The following SRI variants were observed in gnomAD, a reference collection of about 807,000 sequenced individuals.
The protein encoded by SRI is sorcin.
Under a neutral mutation model 33.3 loss-of-function variants are expected in SRI, and 30 were observed. That is an observed-to-expected ratio of 0.90 (90% CI 0.67 to 1.22). The LOEUF is 1.22. SRI is among the 50% of genes most tolerant of loss of function. SRI has a pLI of 0.00. For synonymous variants in SRI, 75 were observed against 89.9 expected, an observed-to-expected ratio of 0.83 and a Z score of 0.94; for missense variants, 243 against 250.8, an observed-to-expected ratio of 0.97 and a Z score of 0.21.
rs1851740964 is a variant in SRI at position 88,217,046 on chromosome 7, G to T, written c.205+76C>A. ...ATCCGACAAGCTCAGTTTTCTTGAA[G>T]GCTGTAATCACAAGTAACAGCTAAG... On this transcript the variant is annotated intron_variant, in intron 3 of 7. Transcript: ENST00000265729. The T allele has an allele frequency of 1.3e-5, 17 of 1,316,522 alleles. 1 individual carries two copies. The South Asian group carries it at 2.0e-4, about 15-fold the overall frequency. The allele number at this position is 1,316,522 out of a possible 1,614,324, so 81.6% of individuals were successfully genotyped here.
chr7:88,218,973 C>G (rs2115803246), intron 1 of SRI, 31 bp from the exon 2 acceptor site: 1 of 1,598,846 alleles, frequency 6.3e-7, no homozygotes, highest in East Asian at 2.2e-5. Flanking sequence ...ACACGTCATT[C>G]TGCCGAATCA....
rs1378720434 is a variant in SRI, at chr7:88,217,120, AC to A, written c.205+1del. ...AGACAAACTTTGGGACTGTCAACTT[AC>A]GTTTGTATCCTCCAGCAATGCCAGA... is the stretch of plus-strand genomic sequence containing the variant. On this transcript the variant is annotated splice_donor_variant, in intron 3 of 7. Coordinates refer to ENST00000265729, the MANE Select transcript of SRI (RefSeq NM_003130.4). LOFTEE classifies it high-confidence loss of function. 6.2e-6 allele frequency: 10 copies of A among 1,613,592 alleles called. No homozygotes were observed. Among genetic ancestry groups the A allele is most frequent in the African/African-American group, 2.7e-5 (2 of 75,024 alleles).
intron 2 of SRI, 61 bp downstream of exon 2, chr7:88,218,798 A>G: frequency 1.3e-6 from 2 of 1,539,826 alleles, no homozygotes; most frequent in Non-Finnish European, 1.8e-6. Flanking sequence ...GTGTCACTAT[A>G]TCAAAAGCTA....
intron 3 of SRI, among the ~76,000 whole-genome samples, chr7:88,211,640 A>G (rs1851582030): frequency 6.6e-6 from 1 of 152,062 alleles, no homozygotes; most frequent in Admixed American, 6.5e-5. Flanking sequence ...TTTGTGTCTG[A>G]TTACTTGTTT....
chr7:88,210,027 C>G lies in SRI; in HGVS notation c.353G>C (p.Gly118Ala). 6.2e-7 allele frequency: 1 copy of G among 1,614,178 alleles called. No individual in the cohort carries two copies. The highest frequency in any genetic ancestry group is 8.5e-7 in the Non-Finnish European group (1 of 1,180,044). ...CTGCAATTCTTGTGGGTCTACTGTT[C>G]CACTCCTGTCAGTGTCAAAACTGAT... ...HFISFDTDRS[G>A]TVDPQELQKA... The change falls in exon 5 of 8, where the codon GGA (glycine) becomes GCA (alanine). Residue 118 changes from glycine (G) to alanine (A), a missense_variant. Gly to Ala is a moderately conservative substitution (Grantham distance 60). Coordinates refer to ENST00000265729, the MANE Select transcript of SRI (RefSeq NM_003130.4).
chr7:88,219,343 A>G (rs899895911), intron 1 of SRI: 1 of 288,126 alleles, frequency 3.5e-6, no homozygotes, highest in Non-Finnish European at 6.8e-6. Context: ...AGTTGGTAAC[A>G]TTCTGAGACG....
intron 7 of SRI, 24 bp from the exon 8 acceptor site, chr7:88,206,528 TGACA>T (rs746412467): frequency 1.3e-5 from 21 of 1,613,506 alleles, no homozygotes; most frequent in Non-Finnish European, 1.5e-5. Flanking sequence ...CAGCATTATA[TGACA>T]GACCTCAAAG....
At chr7:88,210,723 T>C in intron 4 of SRI, 159 bp downstream of exon 4, 1 of 659,868 alleles carries the variant, frequency 1.5e-6, no homozygotes, top group Non-Finnish European at 2.6e-6. Context: ...TTTCTTCCTT[T>C]ATTCACACCA....
chr7:88,213,251 C>T (rs928274592), intron 3 of SRI, among the ~76,000 whole-genome samples: 4 of 152,266 alleles, frequency 2.6e-5, no homozygotes, highest in East Asian at 1.9e-4. Context: ...GTAGTATGTG[C>T]TCTCCTATGC....
intron 3 of SRI, among the ~76,000 whole-genome samples, chr7:88,213,450 C>T (rs1194834348): frequency 6.6e-6 from 1 of 152,220 alleles, no homozygotes; most frequent in African/African-American, 2.4e-5. Context: ...TCTGCACATG[C>T]TGTTCTAACA....
At chr7:88,214,908 T>G in intron 3 of SRI, 17 of 909,094 alleles carry the variant, frequency 1.9e-5, no homozygotes, top group Non-Finnish European at 2.6e-5. Context: ...CCTCCAGCTG[T>G]TTCTCTCAAC....
chr7:88,214,002 G>A (rs958624584), intron 3 of SRI, among the ~76,000 whole-genome samples: 43 of 152,160 alleles, frequency 2.8e-4, no homozygotes, highest in African/African-American at 9.7e-4. Context: ...ACTGCATACC[G>A]TCCTAGCTGA....
chr7:88,210,197 G>T, intron 4 of SRI, 67 bp from the exon 5 acceptor site: 1 of 1,546,126 alleles, frequency 6.5e-7, no homozygotes. Context: ...GAAAGATCAA[G>T]GATAAGGGGA....
chr7:88,210,166 G>A (rs201626526), intron 4 of SRI, 36 bp from the exon 5 acceptor site: 26 of 1,611,584 alleles, frequency 1.6e-5, no homozygotes, highest in African/African-American at 9.4e-5. Context: ...TGTATTTTGC[G>A]ATATTTTCTA....
chr7:88,224,898 C>T (rs545797043), upstream of SRI, among the ~76,000 whole-genome samples: 95 of 152,138 alleles, frequency 6.2e-4, no homozygotes, highest in African/African-American at 2.0e-3. Flanking sequence ...GGCTATTGAG[C>T]CTGTGAAATG....
rs1309516199 is a variant in SRI, at chr7:88,205,606, C to G, written c.*872G>C. 1 of 152,128 alleles carries G rather than the reference C, an allele frequency of 6.6e-6. No homozygotes were observed. Among genetic ancestry groups the G allele is most frequent in the Non-Finnish European group, 1.5e-5 (1 of 68,006 alleles). The allele number at this position is 152,128 out of a possible 1,614,324, so 9.4% of individuals were successfully genotyped here. ...TCATGATCCTGACTCCCAGTGGTAGCCAGATCAATGTTTTGGTACATACTT... is the reference window on the plus strand; with the variant it reads ...TCATGATCCTGACTCCCAGTGGTAGGCAGATCAATGTTTTGGTACATACTT... On this transcript the variant is annotated 3_prime_UTR_variant, in exon 8 of 8. Transcript: ENST00000265729.
intron 7 of SRI, chr7:88,208,112 G>A (rs146043160): frequency 2.2e-3 from 357 of 163,892 alleles, no homozygotes; most frequent in African/African-American, 8.3e-3. Flanking sequence ...GTTTACAGAA[G>A]ACAAAAGCAG....
chr7:88,216,703 C>T (rs1851726521), intron 3 of SRI: 1 of 182,540 alleles, frequency 5.5e-6, no homozygotes, highest in South Asian at 1.1e-4. Flanking sequence ...CCCAAACTGT[C>T]TCACTGGTTC....
intron 3 of SRI, among the ~76,000 whole-genome samples, chr7:88,213,461 A>T (rs1212142280): frequency 6.6e-6 from 1 of 152,168 alleles, no homozygotes; most frequent in Non-Finnish European, 1.5e-5. Flanking sequence ...TGTTCTAACA[A>T]CCTAGGACAC....
Sources: gnomAD v4.1 joint callset for allele counts (sites outside exome capture counted in the v4.1 genomes callset) on GRCh38, gnomAD v4.1.1 for gene constraint, MANE v1.5 for transcripts, NCBI Gene and HGNC (gene_info 2026-07-23, HGNC 2026-07-21) for gene names.